Variants in SNX24 observed in about 807,000 individuals in gnomAD.
SNX24 encodes sorting nexin-24.
In SNX24, 22 loss-of-function variants were observed where a neutral mutation model predicts 28.7. That is an observed-to-expected ratio of 0.77 (90% CI 0.55 to 1.10). The LOEUF (loss-of-function observed/expected upper bound fraction) is 1.10. SNX24 is among the 50% of genes least tolerant of loss of function. The pLI is 0.00. For missense variants in SNX24, 221 were observed against 201.1 expected, an observed-to-expected ratio of 1.10 and a Z score of -0.60; for synonymous variants, 69 against 71.5, an observed-to-expected ratio of 0.96 and a Z score of 0.18.
chr5:123,022,722 T>TAATC (rs1454361321), intron 5 of SNX24: 1 of 152,420 alleles, frequency 6.6e-6, no homozygotes, highest in East Asian at 1.9e-4. Context: ...TGGGCTTAAG[T>TAATC]AATCATCCCA....
intron 1 of SNX24, among the ~76,000 whole-genome samples, chr5:122,853,251 C>T (rs148475968): frequency 0.018 from 2,714 of 151,210 alleles, 79 homozygotes; most frequent in African/African-American, 0.062. Context: ...CTCAGCCTCC[C>T]GAGTAGCTGG....
chr5:122,952,351 A>G (rs567706634), intron 3 of SNX24, among the ~76,000 whole-genome samples: 14 of 152,342 alleles, frequency 9.2e-5, no homozygotes, highest in African/African-American at 2.4e-4. Context: ...AAAAACAACA[A>G]TACAACAACA....
chr5:123,006,494 G>A (rs1031444462), intron 6 of SNX24, among the ~76,000 whole-genome samples: 1 of 152,138 alleles, frequency 6.6e-6, no homozygotes, highest in Non-Finnish European at 1.5e-5. Flanking sequence ...TGTCTGCTTT[G>A]AACTTCTCCA....
At chr5:122,927,368 T>G (rs438196) in intron 1 of SNX24, among the ~76,000 whole-genome samples, 117,190 of 152,128 alleles carry the variant, frequency 0.77, 46,016 homozygotes, top group East Asian at 0.99. Flanking sequence ...TTTGTGCATA[T>G]TTGGGACTAA....
chr5:122,941,507 A>G (rs1405715450), intron 2 of SNX24, among the ~76,000 whole-genome samples: 1 of 152,042 alleles, frequency 6.6e-6, no homozygotes, highest in Non-Finnish European at 1.5e-5. Flanking sequence ...TTTCCATGTT[A>G]GCTCCCTTTC....
chr5:122,862,067 G>A (rs1561517869), intron 1 of SNX24, among the ~76,000 whole-genome samples: 2 of 152,196 alleles, frequency 1.3e-5, no homozygotes, highest in Non-Finnish European at 2.9e-5. Context: ...CTGAGTGGAA[G>A]TTTGCCAGTT....
intron 1 of SNX24, among the ~76,000 whole-genome samples, chr5:122,899,278 C>T (rs1757331245): frequency 6.6e-6 from 1 of 152,150 alleles, no homozygotes; most frequent in African/African-American, 2.4e-5. Flanking sequence ...GGAGGGTTGG[C>T]ATAGGTAGTA....
In SNX24 at chr5:122,936,779, G is replaced by A. The variant is rs750535311; in HGVS notation, c.106G>A (p.Glu36Lys). The stretch of plus-strand genomic sequence containing the variant: ...AATGAATGGAAGAAAACATTTTGTT[G>A]AAAAGAGATACAGCGAATTTCATGC... ...VLMNGRKHFV[E>K]KRYSEFHALH... The change falls in exon 2 of 7, where the codon GAA becomes AAA. Residue 36 changes from glutamate to lysine, a missense_variant. By Grantham distance (56) the Glu-to-Lys change is moderately conservative. Transcript: ENST00000261369. 6.2e-7 allele frequency: 1 copy of A among 1,608,186 alleles called. No individual in the cohort carries two copies. The highest frequency in any genetic ancestry group is 8.5e-7 in the Non-Finnish European group (1 of 1,176,014).
intron 1 of SNX24, among the ~76,000 whole-genome samples, chr5:122,933,760 G>A (rs246312): frequency 0.77 from 116,996 of 151,902 alleles, 45,919 homozygotes; most frequent in East Asian, 0.99. Context: ...TTCAATAGGA[G>A]TGAAAACAGT....
chr5:122,966,918 AC>A (rs1422060170), intron 3 of SNX24, among the ~76,000 whole-genome samples: 1 of 152,116 alleles, frequency 6.6e-6, no homozygotes, highest in African/African-American at 2.4e-5. Flanking sequence ...TTTTCCTCAA[AC>A]CCCAGAATGT....
chr5:122,960,569 T>G (rs543303896), intron 3 of SNX24, among the ~76,000 whole-genome samples: 7 of 152,330 alleles, frequency 4.6e-5, no homozygotes, highest in African/African-American at 1.7e-4. Flanking sequence ...TTTCTTTAAA[T>G]AGTGCTAGCA....
rs1319272311 is a variant in SNX24 at position 122,938,165 on chromosome 5, A to G, written c.144+1348A>G. Among the ~76,000 whole-genome samples, 6 of 152,142 alleles carry G rather than the reference A, an allele frequency of 3.9e-5. 1 individual carries two copies. The highest frequency in any genetic ancestry group is 1.2e-4 in the African/African-American group (5 of 41,444). ...ACCAGGCACAGCTGGGTGACTGCCA[A>G]TTAAGCCTGCCCAGAGCACGAGGCT... On this transcript the variant is annotated intron_variant, in intron 2 of 6. Coordinates refer to ENST00000261369, the MANE Select transcript of SNX24 (RefSeq NM_014035.4).
In SNX24 at chr5:122,973,946, A is replaced by G. The variant is rs28821184; in HGVS notation, c.250-25966A>G. On this transcript the variant is annotated intron_variant, in intron 3 of 6. Coordinates refer to ENST00000261369, the MANE Select transcript of SNX24 (RefSeq NM_014035.4). ...CAAGCACCATTGGATCTGCTGGGTC[A>G]TATGGCTCAAGTGGCAGAGCAGCTT... Among the ~76,000 whole-genome samples, 591 of 152,332 alleles carry G rather than the reference A, an allele frequency of 3.9e-3. 4 individuals are homozygous for G. The highest frequency in any genetic ancestry group is 0.013 in the African/African-American group (548 of 41,582).
intron 3 of SNX24, among the ~76,000 whole-genome samples, chr5:122,982,423 G>GA (rs970637001): frequency 6.6e-6 from 1 of 151,944 alleles, no homozygotes; most frequent in African/African-American, 2.4e-5. Context: ...TGTGCTACTG[G>GA]AAAAAAATGG....
chr5:122,912,341 A>C (rs56082522), intron 1 of SNX24, among the ~76,000 whole-genome samples: 18,466 of 150,290 alleles, frequency 0.12, 1,430 homozygotes, highest in East Asian at 0.35. Context: ...ACTTTGCTGA[A>C]GTTGCTTATG....
At position 122,999,959 on chromosome 5, in the gene SNX24, C is replaced by G; in HGVS notation, c.297C>G (p.Phe99Leu). 1 of 1,613,490 alleles carries G rather than the reference C, an allele frequency of 6.2e-7. No individual in the cohort carries two copies. Among genetic ancestry groups the G allele is most frequent in the Non-Finnish European group, 8.5e-7 (1 of 1,179,416 alleles). ...AACTTCCCAAACTGTTTCTTGATTT[C>G]CTAAATGTGCGACACTTGCCCTCTC... is the stretch of plus-strand genomic sequence containing the variant. ...NEELPKLFLD[F>L]LNVRHLPSLP... The change falls in exon 4 of 7, where the codon TTC becomes TTG. Residue 99 changes from phenylalanine (F) to leucine (L), a missense_variant. Phe to Leu is a conservative substitution (Grantham distance 22, BLOSUM62 0). Transcript: ENST00000261369.
In SNX24 at chr5:123,008,870, A is replaced by G. The variant is rs1384658360; in HGVS notation, c.*1121A>G. On this transcript the variant is annotated 3_prime_UTR_variant, in exon 7 of 7. Transcript: ENST00000261369. ...AAGGATAAAAGCATATATACTACCT[A>G]TATGTATGTGCTGTATGTGGGCATT... 1 of 982,474 alleles carries G rather than the reference A, an allele frequency of 1.0e-6. No individual in the cohort carries two copies. The highest frequency in any genetic ancestry group is 1.1e-4 in the East Asian group (1 of 8,818). 60.9% of individuals were successfully genotyped at this position (982,474 alleles called of 1,614,324 possible). A position where few individuals can be genotyped will look rare whatever the true frequency, so the allele number is the denominator to read the frequency against.
chr5:122,852,154 T>C (rs1754952400), intron 1 of SNX24, among the ~76,000 whole-genome samples: 1 of 151,004 alleles, frequency 6.6e-6, no homozygotes, highest in South Asian at 2.1e-4. Flanking sequence ...ATTTCTTTTT[T>C]TCTTTTCTTT....
At chr5:122,876,269 T>C (rs965844980) in intron 1 of SNX24, among the ~76,000 whole-genome samples, 1 of 152,236 alleles carries the variant, frequency 6.6e-6, no homozygotes, top group Non-Finnish European at 1.5e-5. Context: ...TGGAAGGGTT[T>C]TTAAAAGCAG....
Sources: gnomAD v4.1 joint callset for allele counts (sites outside exome capture counted in the v4.1 genomes callset) on GRCh38, gnomAD v4.1.1 for gene constraint, MANE v1.5 for transcripts, NCBI Gene and HGNC (gene_info 2026-07-23, HGNC 2026-07-21) for gene names.